The following SETBP1 variants were observed in gnomAD, a reference collection of about 807,000 sequenced individuals.
SETBP1 encodes the protein SET binding protein 1.
A neutral mutation model predicts 101.0 loss-of-function variants in SETBP1; 9 were observed. The ratio of observed to expected loss-of-function variants is 0.09; its 90% CI spans 0.05 to 0.16. The LOEUF (loss-of-function observed/expected upper bound fraction) is 0.16. Ranked by LOEUF, SETBP1 falls within the 10% of genes least tolerant of loss-of-function variation. SETBP1 has a pLI of 1.00. For synonymous variants in SETBP1, 818 were observed against 788.5 expected (o/e 1.04, Z -0.63); for missense variants, 1,858 against 2,033.8 (o/e 0.91, Z 1.66).
intron 2 of SETBP1, among the ~76,000 whole-genome samples, chr18:44,722,704 T>C (rs1057487873): frequency 2.6e-5 from 4 of 152,036 alleles, no homozygotes; most frequent in Admixed American, 1.3e-4. Context: ...AAGGGACTGG[T>C]TATTGGGTTC....
intron 5 of SETBP1, 140 bp from the exon 6 acceptor site, chr18:45,062,939 T>C: frequency 6.7e-6 from 7 of 1,047,600 alleles, no homozygotes; most frequent in Non-Finnish European, 9.7e-6. Flanking sequence ...GAATAATGCA[T>C]CTTGGGCACG....
intron 2 of SETBP1, among the ~76,000 whole-genome samples, chr18:44,800,970 C>T (rs1010680105): frequency 3.3e-5 from 5 of 152,110 alleles, no homozygotes; most frequent in Non-Finnish European, 5.9e-5. Context: ...GATGAGTTCA[C>T]GTCCTTTGTA....
intron 4 of SETBP1, among the ~76,000 whole-genome samples, chr18:45,023,097 G>C (rs576126951): frequency 1.3e-5 from 2 of 152,228 alleles, no homozygotes; most frequent in African/African-American, 4.8e-5. Context: ...TTGAAATGCT[G>C]CTTTTTCATA....
chr18:44,893,848 A>C (rs2069829047), intron 3 of SETBP1, among the ~76,000 whole-genome samples: 1 of 152,148 alleles, frequency 6.6e-6, no homozygotes, highest in Admixed American at 6.5e-5. Flanking sequence ...GTGTGTACAG[A>C]ATATGATGAA....
intron 2 of SETBP1, among the ~76,000 whole-genome samples, chr18:44,734,277 A>G (rs1039714905): frequency 1.3e-5 from 2 of 152,334 alleles, no homozygotes; most frequent in Middle Eastern, 3.4e-3. Context: ...TTTGTCATTC[A>G]TGAGCTATTA....
chr18:44,848,633 C>T (rs2072779442), intron 2 of SETBP1, among the ~76,000 whole-genome samples: 1 of 152,200 alleles, frequency 6.6e-6, no homozygotes, highest in South Asian at 2.1e-4. Flanking sequence ...CCAACTGTCT[C>T]ATTTCTTCCT....
At chr18:44,813,126 A>C (rs1380708402) in intron 2 of SETBP1, among the ~76,000 whole-genome samples, 2 of 152,158 alleles carry the variant, frequency 1.3e-5, no homozygotes, top group Non-Finnish European at 2.9e-5. Context: ...GACTTTGTCC[A>C]CAAGTGTTTC....
chr18:44,745,385 A>AC (rs2070214730), intron 2 of SETBP1, among the ~76,000 whole-genome samples: 1 of 152,142 alleles, frequency 6.6e-6, no homozygotes, highest in Admixed American at 6.5e-5. Flanking sequence ...GGGGCTGATG[A>AC]CCAAGATCGC....
chr18:45,023,272 C>G (rs941404276), intron 4 of SETBP1, among the ~76,000 whole-genome samples: 2 of 152,170 alleles, frequency 1.3e-5, no homozygotes, highest in Non-Finnish European at 2.9e-5. Context: ...TTCAAGTCAC[C>G]TCCATAAATC....
At chr18:44,879,978 C>A (rs1416825214) in intron 3 of SETBP1, among the ~76,000 whole-genome samples, 1 of 152,154 alleles carries the variant, frequency 6.6e-6, no homozygotes, top group Non-Finnish European at 1.5e-5. Context: ...CTCATTTAAG[C>A]AACTTTCTCA....
intron 3 of SETBP1, among the ~76,000 whole-genome samples, chr18:44,908,932 C>T (rs951636297): frequency 1.3e-5 from 2 of 152,188 alleles, no homozygotes; most frequent in Non-Finnish European, 2.9e-5. Flanking sequence ...TTTTAATCCT[C>T]ATTTTCAGAA....
At chr18:44,863,671 T>A (rs2069066091) in intron 2 of SETBP1, among the ~76,000 whole-genome samples, 4 of 152,166 alleles carry the variant, frequency 2.6e-5, no homozygotes. Context: ...GTAGGAGGCT[T>A]ACTTAACAAA....
At chr18:45,058,584 T>C (rs2073845052) in intron 5 of SETBP1, among the ~76,000 whole-genome samples, 1 of 152,216 alleles carries the variant, frequency 6.6e-6, no homozygotes, top group South Asian at 2.1e-4. Context: ...TCAGTTCACC[T>C]TGTTTTCCAG....
chr18:44,713,689 A>G (rs990761466), intron 2 of SETBP1, among the ~76,000 whole-genome samples: 7 of 152,218 alleles, frequency 4.6e-5, no homozygotes, highest in African/African-American at 1.7e-4. Flanking sequence ...GTCATTGTTC[A>G]TATACACTGA....
intron 2 of SETBP1, among the ~76,000 whole-genome samples, chr18:44,800,981 G>A (rs1405094170): frequency 1.3e-5 from 2 of 152,258 alleles, no homozygotes; most frequent in South Asian, 2.1e-4. Context: ...GTCCTTTGTA[G>A]GGACATGGAT....
rs907956675 is a variant in SETBP1 at position 44,689,196 on chromosome 18, A to AG, written c.-173+8179dup. Among the ~76,000 whole-genome samples, 14 of 152,350 alleles carry AG rather than the reference A, an allele frequency of 9.2e-5. No homozygotes were observed. In the East Asian group the frequency reaches 2.5e-3, roughly 27 times the overall value. ...TTGGCGGGTAGAACAGCTTTGGCAT[A>AG]GGGGCAGCAGTGGGACAGAGTTCAA... On this transcript the variant is annotated intron_variant, in intron 1 of 5. Transcript: ENST00000649279.
intron 2 of SETBP1, among the ~76,000 whole-genome samples, chr18:44,702,353 C>T (rs2069130976): frequency 6.6e-6 from 1 of 152,102 alleles, no homozygotes; most frequent in Non-Finnish European, 1.5e-5. Context: ...CAAGTGTCAT[C>T]TGTACTTATC....
At chr18:44,758,549 A>AT (rs2070558557) in intron 2 of SETBP1, among the ~76,000 whole-genome samples, 2 of 151,362 alleles carry the variant, frequency 1.3e-5, no homozygotes, top group South Asian at 2.1e-4. Context: ...CGCCCGGCTA[A>AT]TTTTTTGTAT....
intron 2 of SETBP1, among the ~76,000 whole-genome samples, chr18:44,800,834 T>A (rs1284872867): frequency 6.6e-6 from 1 of 152,146 alleles, no homozygotes. Flanking sequence ...TGCACACGTA[T>A]GTTTATTGCG....
Sources: allele counts gnomAD v4.1 joint callset (sites outside exome capture counted in the v4.1 genomes callset), GRCh38; gene constraint gnomAD v4.1.1; transcripts MANE v1.5; gene names NCBI Gene and HGNC (gene_info 2026-07-23, HGNC 2026-07-21).